COL11A1: variants seen among roughly 807,000 people sequenced by gnomAD.
COL11A1 encodes collagen type XI alpha 1 chain.
Under a neutral mutation model 265.2 loss-of-function variants are expected in COL11A1, and 74 were observed. The ratio of observed to expected loss-of-function variants is 0.28; its 90% CI spans 0.23 to 0.34. COL11A1 has a LOEUF of 0.34. COL11A1 is among the 10% of genes least tolerant of loss of function. COL11A1 has a pLI of 1.00. For synonymous variants in COL11A1, 816 were observed against 727.6 expected, an observed-to-expected ratio of 1.12 and a Z score of -1.96; for missense variants, 2,165 against 2,263.6, an observed-to-expected ratio of 0.96 and a Z score of 0.88.
chr1:103,073,810 A>G (rs988218592), intron 4 of COL11A1, among the ~76,000 whole-genome samples: 6 of 151,984 alleles, frequency 3.9e-5, no homozygotes, highest in African/African-American at 1.2e-4. Context: ...ATGTGTGTGT[A>G]CACATCTGTG....
chr1:103,013,616 G>GGAAA (rs1666308193), intron 13 of COL11A1, among the ~76,000 whole-genome samples: 1 of 151,612 alleles, frequency 6.6e-6, no homozygotes, highest in Non-Finnish European at 1.5e-5. Context: ...AATAGACTTA[G>GGAAA]GAAAGACATA....
At chr1:102,932,122 TG>T (rs1256938930) in intron 46 of COL11A1, among the ~76,000 whole-genome samples, 10 of 151,770 alleles carry the variant, frequency 6.6e-5, no homozygotes, top group African/African-American at 2.4e-4. Context: ...TGTGTGAATT[TG>T]ATCCTGTCAT....
chr1:102,914,791 T>C lies in COL11A1; in HGVS notation c.3837A>G (p.Gly1279=). 2 of 1,606,252 alleles carry C rather than the reference T, an allele frequency of 1.2e-6. No individual in the cohort carries two copies. The highest frequency in any genetic ancestry group is 1.7e-6 in the Non-Finnish European group (2 of 1,177,428). The stretch of plus-strand genomic sequence containing the variant: ...CAGGTGGACCAGCTTCCCCTTTCTC[T>C]CCTCTTTCTCCTTTGGGACCCTAAA... The part of the protein sequence containing the change: ...AGVGGPKGER[G]EKGEAGPPGA... Residue 1279 remains glycine, a synonymous_variant, in exon 51 of 67, where the codon GGA becomes GGG. Transcript: ENST00000370096.
intron 24 of COL11A1, chr1:103,001,553 C>T (rs779042824): frequency 1.1e-5 from 5 of 457,536 alleles, no homozygotes; most frequent in Non-Finnish European, 1.9e-5. Flanking sequence ...ACTTTCCTTT[C>T]ATCATGTCTT....
At chr1:103,064,137 T>C (rs1670887875) in intron 4 of COL11A1, among the ~76,000 whole-genome samples, 1 of 152,174 alleles carries the variant, frequency 6.6e-6, no homozygotes, top group South Asian at 2.1e-4. Flanking sequence ...AGGGTTTATT[T>C]AGCAAGACAG....
At chr1:102,932,298 A>C (rs1392313484) in intron 46 of COL11A1, among the ~76,000 whole-genome samples, 1 of 151,912 alleles carries the variant, frequency 6.6e-6, no homozygotes, top group African/African-American at 2.4e-5. Flanking sequence ...GTGGTGACAA[A>C]ATCTCTCAGC....
intron 36 of COL11A1, among the ~76,000 whole-genome samples, chr1:102,970,555 G>T: frequency 6.6e-6 from 1 of 152,116 alleles, no homozygotes; most frequent in African/African-American, 2.4e-5. Context: ...ATTTGCAAAG[G>T]TTTGTATTTT....
chr1:102,910,322 T>C (rs1259996378), intron 54 of COL11A1, among the ~76,000 whole-genome samples: 5 of 152,062 alleles, frequency 3.3e-5, no homozygotes, highest in Admixed American at 6.6e-5. Context: ...CATGTTAAGA[T>C]ACTTCATCTC....
chr1:102,947,030 A>G lies in COL11A1; in HGVS notation c.3169-74T>C, dbSNP rs527654611. On this transcript the variant is annotated intron_variant, in intron 41 of 66. Coordinates refer to ENST00000370096, the MANE Select transcript of COL11A1 (RefSeq NM_001854.4). ...GCTTAAGAATCACTTATTTAACAATAGCTTCTTACAGTCTAGTAAATTATG... is the reference window on the plus strand; with the variant it reads ...GCTTAAGAATCACTTATTTAACAATGGCTTCTTACAGTCTAGTAAATTATG... 4 of 1,150,442 alleles carry G rather than the reference A, an allele frequency of 3.5e-6. No homozygotes were observed. In the African/African-American group the frequency reaches 6.1e-5, roughly 18 times the overall value. The allele number at this position is 1,150,442 out of a possible 1,614,324, so 71.3% of individuals were successfully genotyped here.
At chr1:102,948,512 G>A (rs12129927) in intron 41 of COL11A1, among the ~76,000 whole-genome samples, 24,008 of 151,898 alleles carry the variant, frequency 0.16, 2,036 homozygotes, top group African/African-American at 0.18. Flanking sequence ...TATAATTAAG[G>A]AAATTGTGAA....
At chr1:103,085,003 T>C (rs1672740169) in intron 1 of COL11A1, among the ~76,000 whole-genome samples, 1 of 152,178 alleles carries the variant, frequency 6.6e-6, no homozygotes, top group Admixed American at 6.5e-5. Context: ...GAAATAATTA[T>C]TTATCCAATT....
chr1:102,948,894 A>T lies in COL11A1; in HGVS notation c.3169-1938T>A, dbSNP rs190317078. Among the ~76,000 whole-genome samples, 27 of 152,140 alleles carry T rather than the reference A, an allele frequency of 1.8e-4. No individual in the cohort carries two copies. In the East Asian group the frequency reaches 5.0e-3, roughly 28 times the overall value. ...TAATAGAATCCTCCTACTGTTGCAC[A>T]TTCAAAATGAGCAACCCTAAGAGTA... On this transcript the variant is annotated intron_variant, in intron 41 of 66. Coordinates refer to ENST00000370096, the MANE Select transcript of COL11A1 (RefSeq NM_001854.4).
intron 63 of COL11A1, among the ~76,000 whole-genome samples, chr1:102,886,232 G>C (rs1210010806): frequency 6.6e-6 from 1 of 152,076 alleles, no homozygotes; most frequent in East Asian, 1.9e-4. Flanking sequence ...CAAAGAGTTG[G>C]TATGATGAAT....
intron 11 of COL11A1, among the ~76,000 whole-genome samples, chr1:103,016,266 T>C (rs1260655575): frequency 6.6e-6 from 1 of 150,652 alleles, no homozygotes; most frequent in Non-Finnish European, 1.5e-5. Context: ...TTAACATAGA[T>C]AATGACTAAT....
intron 62 of COL11A1, among the ~76,000 whole-genome samples, chr1:102,887,504 A>G (rs1651141876): frequency 6.6e-6 from 1 of 152,180 alleles, no homozygotes. Flanking sequence ...AAACTTTAAA[A>G]AATATGTACA....
At chr1:102,924,342 ATCTG>A (rs1299469680) in intron 46 of COL11A1, among the ~76,000 whole-genome samples, 6 of 152,362 alleles carry the variant, frequency 3.9e-5, no homozygotes, top group South Asian at 2.1e-4. Context: ...CTCAAATTTC[ATCTG>A]TCTATGTCTT....
At position 102,878,372 on chromosome 1, in the gene COL11A1, A is replaced by T. The variant is rs534165238; in HGVS notation, c.5275-207T>A. Among the ~76,000 whole-genome samples, 26 of 149,608 alleles carry T rather than the reference A, an allele frequency of 1.7e-4. No individual in the cohort carries two copies. The East Asian group carries it at 5.1e-3, about 29-fold the overall frequency. On this transcript the variant is annotated intron_variant, in intron 66 of 66. Coordinates refer to ENST00000370096, the MANE Select transcript of COL11A1 (RefSeq NM_001854.4). Reference sequence around the variant, plus strand: ...TTAGTACATTTAATACTTAGCTGTAATTACTTAACTATGATAGTGCTATAT... The same window carrying T: ...TTAGTACATTTAATACTTAGCTGTATTTACTTAACTATGATAGTGCTATAT...
chr1:103,026,252 T>C lies in COL11A1; in HGVS notation c.861A>G (p.Gly287=), dbSNP rs1202338605. 3 of 1,613,038 alleles carry C rather than the reference T, an allele frequency of 1.9e-6. No homozygotes were observed. Among genetic ancestry groups the C allele is most frequent in the Middle Eastern group, 1.6e-4 (1 of 6,084 alleles). ...CTATTGTCTCCTCAGTTACAGTGGG[T>C]CCCTCTGTTACACTTTCAGCCTCTT... ...EYKEAESVTE[G]PTVTEETIAQ... The change falls in exon 6 of 67, where the codon GGA becomes GGG. Residue 287 remains glycine, a synonymous_variant. Coordinates refer to ENST00000370096, the MANE Select transcript of COL11A1 (RefSeq NM_001854.4).
intron 44 of COL11A1, among the ~76,000 whole-genome samples, chr1:102,936,436 T>C (rs1658153663): frequency 6.6e-6 from 1 of 152,120 alleles, no homozygotes; most frequent in South Asian, 2.1e-4. Context: ...TGATTATAAA[T>C]AGTAAGTATG....
Sources: gnomAD v4.1 joint callset for allele counts (sites outside exome capture counted in the v4.1 genomes callset) on GRCh38, gnomAD v4.1.1 for gene constraint, MANE v1.5 for transcripts, NCBI Gene and HGNC (gene_info 2026-07-23, HGNC 2026-07-21) for gene names.